AP3B1: variants seen among roughly 807,000 people sequenced by gnomAD.
The protein encoded by AP3B1 is AP-3 complex subunit beta-1.
In AP3B1, 61 loss-of-function variants were observed where a neutral mutation model predicts 132.5. The ratio of observed to expected loss-of-function variants is 0.46; its 90% CI spans 0.37 to 0.57. The LOEUF is 0.57. AP3B1 is among the 20% of genes least tolerant of loss of function. The pLI is 0.00. For synonymous variants in AP3B1, 388 were observed against 438.3 expected (o/e 0.89, Z 1.43); for missense variants, 1,120 against 1,289.4 (o/e 0.87, Z 2.01).
chr5:78,096,242 A>T (rs1465212141), intron 21 of AP3B1, among the ~76,000 whole-genome samples: 1 of 152,146 alleles, frequency 6.6e-6, no homozygotes, highest in Non-Finnish European at 1.5e-5. Context: ...CCAGCTCCTA[A>T]CCGCGAGTGA....
chr5:78,014,046 CCAGCCACTCGGGAGGCTGAGG>C (rs1421603213), intron 26 of AP3B1, among the ~76,000 whole-genome samples: 1 of 152,110 alleles, frequency 6.6e-6, no homozygotes, highest in African/African-American at 2.4e-5. Flanking sequence ...GCCTGTAGTC[CCAGCCACTCGGGAGGCTGAGG>C]CAGGAGAATG....
intron 22 of AP3B1, chr5:78,087,683 C>T (rs1201878365): frequency 2.0e-6 from 2 of 985,178 alleles, no homozygotes; most frequent in Non-Finnish European, 2.4e-6. Context: ...AAGAGACCAT[C>T]TCAATAAATA....
At chr5:78,059,168 A>G (rs1472392447) in intron 22 of AP3B1, among the ~76,000 whole-genome samples, 2 of 152,256 alleles carry the variant, frequency 1.3e-5, no homozygotes, top group African/African-American at 4.8e-5. Flanking sequence ...ATTCAGTGTC[A>G]GAGTGATACA....
chr5:78,267,509 AT>A lies in AP3B1; in HGVS notation c.204+10del, dbSNP rs1474645350. The A allele has an allele frequency of 6.3e-7, 1 of 1,595,760 alleles. No individual in the cohort carries two copies. The highest frequency in any genetic ancestry group is 1.7e-5 in the Admixed American group (1 of 59,746). On this transcript the variant is annotated intron_variant, in intron 2 of 26. Coordinates refer to ENST00000255194, the MANE Select transcript of AP3B1 (RefSeq NM_003664.5). The stretch of plus-strand genomic sequence containing the variant: ...TTTTCCAAAATTGAAGTAAATGAGT[AT>A]TTTACCTACCCCAACAATCCGCTTC...
intron 7 of AP3B1, among the ~76,000 whole-genome samples, chr5:78,207,201 T>C (rs1359582912): frequency 6.8e-6 from 1 of 146,518 alleles, no homozygotes; most frequent in Non-Finnish European, 1.5e-5. Context: ...GAGATTGCAG[T>C]GAGCCAAGAT....
intron 7 of AP3B1, among the ~76,000 whole-genome samples, chr5:78,205,007 T>A (rs1246045364): frequency 6.6e-6 from 1 of 152,166 alleles, no homozygotes; most frequent in Non-Finnish European, 1.5e-5. Flanking sequence ...GATATCACTT[T>A]CCATTTGCAA....
intron 26 of AP3B1, among the ~76,000 whole-genome samples, chr5:78,009,127 A>C (rs1440118420): frequency 1.3e-5 from 2 of 152,140 alleles, no homozygotes; most frequent in Non-Finnish European, 2.9e-5. Flanking sequence ...GTATGCAATA[A>C]CAGTGATTAA....
intron 1 of AP3B1, among the ~76,000 whole-genome samples, chr5:78,271,678 ACT>A (rs1299284109): frequency 1.3e-5 from 2 of 152,124 alleles, no homozygotes; most frequent in East Asian, 1.9e-4. Flanking sequence ...TGAGGACTAA[ACT>A]CTGACTTTTC....
chr5:78,126,100 C>T (rs77766456), intron 17 of AP3B1, among the ~76,000 whole-genome samples: 4 of 148,268 alleles, frequency 2.7e-5, no homozygotes, highest in Non-Finnish European at 4.5e-5. Flanking sequence ...AAAAAAAAAA[C>T]GAACCATAAA....
intron 2 of AP3B1, among the ~76,000 whole-genome samples, chr5:78,242,512 T>C (rs1362913097): frequency 6.6e-6 from 1 of 152,192 alleles, no homozygotes; most frequent in Non-Finnish European, 1.5e-5. Context: ...GTTCGAGCGA[T>C]TCTCCTGCTT....
In AP3B1 at chr5:78,126,504, C is replaced by CAAAAAAAAAAA. The variant is rs70997969; in HGVS notation, c.1968+1515_1968+1525dup. 6.9e-4 allele frequency among the ~76,000 whole-genome samples: 43 copies of CAAAAAAAAAAA among 62,370 alleles called. 2 individuals are homozygous for CAAAAAAAAAAA. Among genetic ancestry groups the CAAAAAAAAAAA allele is most frequent in the African/African-American group, 3.3e-3 (42 of 12,776 alleles). The allele number at this position is 62,370 out of a possible 152,430, so 40.9% of individuals were successfully genotyped here. A position where few individuals can be genotyped will look rare whatever the true frequency, so the allele number is the denominator to read the frequency against. On this transcript the variant is annotated intron_variant, in intron 17 of 26. Coordinates refer to ENST00000255194, the MANE Select transcript of AP3B1 (RefSeq NM_003664.5). Reference sequence around the variant, plus strand: ...TGGGTGACAGAGCAAGACTCTGTCTCAAAAAAAAAAAAAAAAAAAAAAAAA... The same window carrying CAAAAAAAAAAA: ...TGGGTGACAGAGCAAGACTCTGTCTCAAAAAAAAAAAAAAAAAAAAAAAAAAAAAAAAAAAA...
chr5:78,250,233 C>A (rs757788641), intron 2 of AP3B1, among the ~76,000 whole-genome samples: 1 of 152,158 alleles, frequency 6.6e-6, no homozygotes, highest in East Asian at 1.9e-4. Context: ...TACCAAACAG[C>A]AGAATATATA....
At chr5:78,233,959 A>G (rs938027124) in intron 3 of AP3B1, among the ~76,000 whole-genome samples, 3 of 152,134 alleles carry the variant, frequency 2.0e-5, no homozygotes, top group South Asian at 2.1e-4. Flanking sequence ...AAAACCTAGG[A>G]AAAAAATTAT....
At chr5:78,110,535 CAA>C (rs1418491377) in intron 19 of AP3B1, among the ~76,000 whole-genome samples, 181 bp from the exon 20 acceptor site, 3 of 151,922 alleles carry the variant, frequency 2.0e-5, no homozygotes, top group Non-Finnish European at 2.9e-5. Flanking sequence ...ATTTCAAATG[CAA>C]AAAGTCATAA....
In AP3B1 at chr5:78,156,371, A is replaced by T. The variant is rs962033882; in HGVS notation, c.1364-4T>A. 1 of 1,576,788 alleles carries T rather than the reference A, an allele frequency of 6.3e-7. No individual in the cohort carries two copies. Among genetic ancestry groups the T allele is most frequent in the Non-Finnish European group, 8.7e-7 (1 of 1,146,716 alleles). ...ACACTTTCAGCAACAACTATTTCTGAAAAAGATAGAAATTATTCATACTAA... is the reference window on the plus strand; with the variant it reads ...ACACTTTCAGCAACAACTATTTCTGTAAAAGATAGAAATTATTCATACTAA... On this transcript the variant is annotated splice_region_variant and splice_polypyrimidine_tract_variant and intron_variant, in intron 13 of 26. Transcript: ENST00000255194.
intron 6 of AP3B1, among the ~76,000 whole-genome samples, chr5:78,224,119 A>T (rs536638380): frequency 2.6e-5 from 4 of 152,284 alleles, no homozygotes; most frequent in Non-Finnish European, 5.9e-5. Context: ...AATAATATTG[A>T]CTTCATATCT....
chr5:78,069,782 C>T (rs1378077881), intron 22 of AP3B1, among the ~76,000 whole-genome samples: 1 of 152,016 alleles, frequency 6.6e-6, no homozygotes, highest in African/African-American at 2.4e-5. Context: ...AAAAAGAGCC[C>T]GTATAGCCAA....
intron 26 of AP3B1, among the ~76,000 whole-genome samples, chr5:78,005,233 A>G (rs1746342084): frequency 6.6e-6 from 1 of 152,228 alleles, no homozygotes; most frequent in Admixed American, 6.5e-5. Context: ...CAATAGTCTT[A>G]TTAGTCCCTT....
intron 7 of AP3B1, among the ~76,000 whole-genome samples, chr5:78,209,638 G>A (rs1745653460): frequency 6.6e-6 from 1 of 152,164 alleles, no homozygotes; most frequent in Admixed American, 6.5e-5. Flanking sequence ...AGGACCACCT[G>A]AGGCTGCACA....
Sources: allele counts gnomAD v4.1 joint callset (sites outside exome capture counted in the v4.1 genomes callset), GRCh38; gene constraint gnomAD v4.1.1; transcripts MANE v1.5; gene names NCBI Gene and HGNC (gene_info 2026-07-23, HGNC 2026-07-21).